The following PTPRJ variants were observed in gnomAD, a reference collection of about 807,000 sequenced individuals.
PTPRJ encodes receptor-type tyrosine-protein phosphatase eta.
Under a neutral mutation model 141.3 loss-of-function variants are expected in PTPRJ, and 129 were observed. The observed-to-expected ratio is 0.91, with a 90% CI of 0.79 to 1.06. The LOEUF (loss-of-function observed/expected upper bound fraction) is 1.06. Among genes scored for constraint, PTPRJ ranks in the 50% least tolerant of loss-of-function variants. PTPRJ has a pLI of 0.00. For synonymous variants in PTPRJ, 610 were observed against 640.5 expected, an observed-to-expected ratio of 0.95 and a Z score of 0.72; for missense variants, 1,601 against 1,679.7, an observed-to-expected ratio of 0.95 and a Z score of 0.82.
intron 3 of PTPRJ, among the ~76,000 whole-genome samples, chr11:48,113,734 A>G (rs1566735): frequency 0.031 from 4,661 of 152,334 alleles, 109 homozygotes; most frequent in Non-Finnish European, 0.047. Flanking sequence ...ATGAGTGTAC[A>G]GTGGAGTCTT....
intron 3 of PTPRJ, among the ~76,000 whole-genome samples, chr11:48,117,607 A>C (rs931481192): frequency 1.4e-5 from 2 of 142,070 alleles, no homozygotes; most frequent in Non-Finnish European, 3.0e-5. Flanking sequence ...GGGTTTTGAG[A>C]GCCTGTCTGA....
At position 48,066,452 on chromosome 11, in the gene PTPRJ, G is replaced by A. The variant is rs573404911; in HGVS notation, c.97-43606G>A. ...TTAAGTCAGCCCCAGGGCACAGGGT[G>A]GTGCAACAGAAGAGCCTGAGTCGAA... On this transcript the variant is annotated intron_variant, in intron 1 of 24. Coordinates refer to ENST00000418331, the MANE Select transcript of PTPRJ (RefSeq NM_002843.4). 4.6e-5 allele frequency among the ~76,000 whole-genome samples: 7 copies of A among 152,148 alleles called. No homozygotes were observed. The South Asian group carries it at 1.5e-3, about 32-fold the overall frequency.
intron 1 of PTPRJ, among the ~76,000 whole-genome samples, chr11:48,100,507 A>G (rs555703342): frequency 6.6e-6 from 1 of 152,350 alleles, no homozygotes; most frequent in Admixed American, 6.5e-5. Context: ...ATATTTAAAA[A>G]GACTATTTTT....
intron 3 of PTPRJ, among the ~76,000 whole-genome samples, 172 bp downstream of exon 3, chr11:48,113,155 A>G (rs1343251996): frequency 6.6e-6 from 1 of 152,280 alleles, no homozygotes; most frequent in Non-Finnish European, 1.5e-5. Context: ...CAAGAAAAGA[A>G]TAACAAGTAA....
chr11:48,104,643 C>T (rs556813299), intron 1 of PTPRJ, among the ~76,000 whole-genome samples: 70 of 152,326 alleles, frequency 4.6e-4, no homozygotes, highest in African/African-American at 1.7e-3. Context: ...CCAAGCTGCC[C>T]TGTGAATTTA....
rs1300114635 is a variant in PTPRJ at position 48,132,632 on chromosome 11, T to A, written c.1615+1916T>A. 4.5e-6 allele frequency: 4 copies of A among 889,384 alleles called. No homozygotes were observed. In the African/African-American group the frequency reaches 7.3e-5, roughly 16 times the overall value. 55.1% of individuals were successfully genotyped at this position (889,384 alleles called of 1,614,324 possible). A position where few individuals can be genotyped will look rare whatever the true frequency, so the allele number is the denominator to read the frequency against. ...GGGTGCAGCACACCAACATGGCACA[T>A]GTATACATATGTAACAAACCTGCAC... On this transcript the variant is annotated intron_variant, in intron 8 of 24. Coordinates refer to ENST00000418331, the MANE Select transcript of PTPRJ (RefSeq NM_002843.4).
At chr11:48,033,245 A>G (rs376834177) in intron 1 of PTPRJ, among the ~76,000 whole-genome samples, 5 of 151,980 alleles carry the variant, frequency 3.3e-5, no homozygotes, top group Non-Finnish European at 7.4e-5. Context: ...TGGAATAGCA[A>G]GGATCAGCTT....
At chr11:47,998,413 AT>A (rs1854399316) in intron 1 of PTPRJ, among the ~76,000 whole-genome samples, 1 of 152,226 alleles carries the variant, frequency 6.6e-6, no homozygotes, top group South Asian at 2.1e-4. Context: ...AATGTATTAA[AT>A]TACCACATGT....
intron 1 of PTPRJ, among the ~76,000 whole-genome samples, chr11:48,065,998 A>C (rs140784034): frequency 1.4e-4 from 22 of 152,310 alleles, no homozygotes; most frequent in African/African-American, 5.3e-4. Flanking sequence ...AAAGTAATAC[A>C]TAGCTGGGCA....
chr11:48,028,957 G>A, intron 1 of PTPRJ, among the ~76,000 whole-genome samples: 1 of 152,242 alleles, frequency 6.6e-6, no homozygotes, highest in East Asian at 1.9e-4. Flanking sequence ...TGGTTTGGAA[G>A]TGAATCTGAA....
At chr11:48,034,252 G>C (rs1305290357) in intron 1 of PTPRJ, among the ~76,000 whole-genome samples, 1 of 152,162 alleles carries the variant, frequency 6.6e-6, no homozygotes, top group East Asian at 1.9e-4. Context: ...GCTAGAAAAA[G>C]AACAAGTGGT....
intron 1 of PTPRJ, among the ~76,000 whole-genome samples, chr11:48,023,416 C>A (rs375418221): frequency 2.0e-4 from 31 of 152,264 alleles, no homozygotes; most frequent in African/African-American, 7.5e-4. Context: ...GGTAGAAAAA[C>A]CATTCTCAGG....
At chr11:47,992,569 T>C (rs1022421170) in intron 1 of PTPRJ, among the ~76,000 whole-genome samples, 9 of 152,234 alleles carry the variant, frequency 5.9e-5, no homozygotes, top group African/African-American at 2.2e-4. Flanking sequence ...GGTTGAACCA[T>C]ATAAAGTTAC....
chr11:48,097,260 T>A (rs1272701501), intron 1 of PTPRJ, among the ~76,000 whole-genome samples: 2 of 152,120 alleles, frequency 1.3e-5, no homozygotes, highest in Non-Finnish European at 2.9e-5. Flanking sequence ...GTGAGGAAGC[T>A]CTCACTTTCT....
At chr11:48,028,684 A>G (rs1046040435) in intron 1 of PTPRJ, among the ~76,000 whole-genome samples, 1 of 152,146 alleles carries the variant, frequency 6.6e-6, no homozygotes, top group Admixed American at 6.5e-5. Flanking sequence ...CCAGCTACTT[A>G]GGAGGCTGAG....
intron 8 of PTPRJ, 44 bp downstream of exon 8, chr11:48,130,760 G>A: frequency 1.3e-6 from 2 of 1,505,060 alleles, no homozygotes; most frequent in Non-Finnish European, 1.8e-6. Flanking sequence ...GTTTCTTAAA[G>A]GAAATCAGTA....
intron 1 of PTPRJ, among the ~76,000 whole-genome samples, chr11:48,000,611 A>G (rs1854471120): frequency 6.6e-6 from 1 of 151,840 alleles, no homozygotes; most frequent in African/African-American, 2.4e-5. Flanking sequence ...CATCCTGGCT[A>G]CCCACTCCCT....
Position 48,163,567 on chromosome 11 carries a change from G to A in PTPRJ, c.3668G>A (p.Arg1223His), listed in dbSNP as rs144070412. ...DLLINFRYLV[R>H]DYMKQSPPES... ...CTCATCAACTTCCGGTACCTCGTTCGTGACTACATGAAGCAGAGTCCTCCC... is the reference window on the plus strand; with the variant it reads ...CTCATCAACTTCCGGTACCTCGTTCATGACTACATGAAGCAGAGTCCTCCC... The change falls in exon 23 of 25, where the codon CGT becomes CAT. Residue 1223 changes from arginine (R) to histidine (H), a missense_variant. Physicochemically the swap from Arg to His is conservative, Grantham distance 29. Coordinates refer to ENST00000418331, the MANE Select transcript of PTPRJ (RefSeq NM_002843.4). 6.4e-5 allele frequency: 103 copies of A among 1,614,030 alleles called. No individual in the cohort carries two copies. In the East Asian group the frequency reaches 1.4e-3, roughly 22 times the overall value.
rs374845469 is a variant in PTPRJ at position 48,095,273 on chromosome 11, A to G, written c.97-14785A>G. Among the ~76,000 whole-genome samples the G allele has an allele frequency of 2.0e-5, 3 of 152,228 alleles. No individual in the cohort carries two copies. In the South Asian group the frequency reaches 6.2e-4, roughly 32 times the overall value. ...AAGGAAATAAAAAGTGTTTTATTAG[A>G]TGGCAAAGAAAGATGGACTGGACTT... On this transcript the variant is annotated intron_variant, in intron 1 of 24. Transcript: ENST00000418331.
Sources: allele counts gnomAD v4.1 joint callset (sites outside exome capture counted in the v4.1 genomes callset), GRCh38; gene constraint gnomAD v4.1.1; transcripts MANE v1.5; gene names NCBI Gene and HGNC (gene_info 2026-07-23, HGNC 2026-07-21).